The following NKAIN2 variants were observed in gnomAD, a reference collection of about 807,000 sequenced individuals.
NKAIN2 encodes sodium/potassium transporting ATPase interacting 2.
NKAIN2 carries 14 observed loss-of-function variants against 32.6 expected under a neutral mutation model. That is an observed-to-expected ratio of 0.43 (90% CI 0.28 to 0.67). The LOEUF is 0.67. Ranked by LOEUF, NKAIN2 falls within the 30% of genes least tolerant of loss-of-function variation. NKAIN2 has a pLI of 0.17. For synonymous variants in NKAIN2, 80 were observed against 87.2 expected (o/e 0.92, Z 0.46); for missense variants, 198 against 258.3 (o/e 0.77, Z 1.60).
intron 1 of NKAIN2, among the ~76,000 whole-genome samples, chr6:123,876,090 C>A (rs576557071): frequency 6.6e-6 from 1 of 151,972 alleles, no homozygotes. Flanking sequence ...ATTTAGACTA[C>A]CAGATAAAAT....
rs148479132 is a variant in NKAIN2 at position 124,511,202 on chromosome 6, A to G, written c.274-146984A>G. 1.6e-3 allele frequency among the ~76,000 whole-genome samples: 240 copies of G among 152,312 alleles called. 1 individual carries two copies. Among genetic ancestry groups the G allele is most frequent in the African/African-American group, 5.5e-3 (228 of 41,580 alleles). Reference sequence around the variant, plus strand: ...GAGATTGGTTTTAATCTGCAAATTTATATCTATTACATATCTTGAGCATTT... The same window carrying G: ...GAGATTGGTTTTAATCTGCAAATTTGTATCTATTACATATCTTGAGCATTT... On this transcript the variant is annotated intron_variant, in intron 3 of 6. Transcript: ENST00000368417.
At chr6:124,062,430 A>G (rs1782957851) in intron 1 of NKAIN2, among the ~76,000 whole-genome samples, 1 of 151,906 alleles carries the variant, frequency 6.6e-6, no homozygotes, top group African/African-American at 2.4e-5. Context: ...TGTTGTTGTT[A>G]TTGTTGTTGT....
At chr6:124,377,637 T>C (rs902887018) in intron 3 of NKAIN2, among the ~76,000 whole-genome samples, 5 of 151,986 alleles carry the variant, frequency 3.3e-5, no homozygotes, top group Non-Finnish European at 1.5e-5. Context: ...GGAAGAGAAA[T>C]GTGAGGGGTG....
chr6:124,800,035 A>G (rs571346641), intron 5 of NKAIN2, among the ~76,000 whole-genome samples: 1 of 152,322 alleles, frequency 6.6e-6, no homozygotes. Context: ...GGGATTCTTT[A>G]GTCCCATCTC....
intron 4 of NKAIN2, among the ~76,000 whole-genome samples, chr6:124,734,039 T>A (rs1217972607): frequency 7.1e-6 from 1 of 141,496 alleles, no homozygotes; most frequent in African/African-American, 2.6e-5. Context: ...GAGTATCTTA[T>A]AATACCAGAA....
intron 3 of NKAIN2, among the ~76,000 whole-genome samples, chr6:124,616,276 C>G (rs1489992142): frequency 6.6e-6 from 1 of 151,948 alleles, no homozygotes; most frequent in Non-Finnish European, 1.5e-5. Context: ...TGCATTTCAC[C>G]TAAAGTTTAT....
chr6:124,227,754 C>T (rs1365076850), intron 1 of NKAIN2, among the ~76,000 whole-genome samples: 2 of 152,138 alleles, frequency 1.3e-5, no homozygotes, highest in African/African-American at 4.8e-5. Context: ...GACTTCTTAG[C>T]TTACAGAAGG....
chr6:124,424,355 CAT>C (rs1338396349), intron 3 of NKAIN2, among the ~76,000 whole-genome samples: 6 of 152,244 alleles, frequency 3.9e-5, no homozygotes, highest in African/African-American at 1.4e-4. Flanking sequence ...AACCAATTAA[CAT>C]ATTCAGCTCA....
chr6:124,344,275 A>G (rs1295347030), intron 2 of NKAIN2, among the ~76,000 whole-genome samples: 1 of 152,160 alleles, frequency 6.6e-6, no homozygotes, highest in Non-Finnish European at 1.5e-5. Context: ...TGATGCCTCC[A>G]GCTTTGTTCT....
chr6:124,352,172 GT>G (rs1350833899), intron 2 of NKAIN2, among the ~76,000 whole-genome samples: 1 of 152,088 alleles, frequency 6.6e-6, no homozygotes, highest in African/African-American at 2.4e-5. Flanking sequence ...TAGGTTCTGT[GT>G]TCTCATTCTC....
In NKAIN2 at chr6:124,272,540, T is replaced by A. The variant is rs186159657; in HGVS notation, c.55-10465T>A. Among the ~76,000 whole-genome samples the A allele has an allele frequency of 5.6e-3, 851 of 152,306 alleles. 6 individuals carry two copies. Among genetic ancestry groups the A allele is most frequent in the Non-Finnish European group, 6.5e-3 (443 of 68,026 alleles). ...TCCATGCAGAGGTGTGCTGCAGAGA[T>A]GGAGCCATCATGGAGAACTTCTGTT... On this transcript the variant is annotated intron_variant, in intron 1 of 6. Transcript: ENST00000368417.
chr6:124,107,250 G>T (rs1490853707), intron 1 of NKAIN2, among the ~76,000 whole-genome samples: 1 of 152,168 alleles, frequency 6.6e-6, no homozygotes, highest in African/African-American at 2.4e-5. Flanking sequence ...ATCATGAAAA[G>T]ATGTTGGCTT....
chr6:123,865,090 A>G (rs77516570), intron 1 of NKAIN2, among the ~76,000 whole-genome samples: 1 of 152,180 alleles, frequency 6.6e-6, no homozygotes, highest in East Asian at 1.9e-4. Context: ...TAAAAAAAGA[A>G]GAAAGTATTC....
chr6:124,297,899 A>T (rs187893786), intron 2 of NKAIN2, among the ~76,000 whole-genome samples: 22 of 152,286 alleles, frequency 1.4e-4, no homozygotes, highest in African/African-American at 5.3e-4. Flanking sequence ...GACTCTATCA[A>T]TGAAATGTGT....
chr6:124,584,346 C>T (rs1781630387), intron 3 of NKAIN2, among the ~76,000 whole-genome samples: 1 of 152,110 alleles, frequency 6.6e-6, no homozygotes, highest in Admixed American at 6.5e-5. Context: ...TCTGAATAGA[C>T]ATTTCTCAAA....
chr6:124,633,044 C>T (rs530224357), intron 3 of NKAIN2, among the ~76,000 whole-genome samples: 8 of 152,106 alleles, frequency 5.3e-5, no homozygotes, highest in South Asian at 4.2e-4. Context: ...GAATTATGTG[C>T]CCACCATTTT....
chr6:124,361,743 CTT>C lies in NKAIN2; in HGVS notation c.273+6399_273+6400del, dbSNP rs369068555. 2.8e-3 allele frequency among the ~76,000 whole-genome samples: 423 copies of C among 152,094 alleles called. 3 individuals carry two copies. Among genetic ancestry groups the C allele is most frequent in the African/African-American group, 9.9e-3 (412 of 41,520 alleles). On this transcript the variant is annotated intron_variant, in intron 3 of 6. Coordinates refer to ENST00000368417, the MANE Select transcript of NKAIN2 (RefSeq NM_001040214.3). ...AAGCTTTAGGGAATAAAATTGCACT[CTT>C]TTGAATGTAAGAGACAGGAAGGAGA...
intron 1 of NKAIN2, among the ~76,000 whole-genome samples, chr6:124,167,949 T>C (rs1582778602): frequency 6.6e-6 from 1 of 152,170 alleles, no homozygotes; most frequent in African/African-American, 2.4e-5. Context: ...CATGTGACCA[T>C]AGAGATATAT....
intron 3 of NKAIN2, among the ~76,000 whole-genome samples, chr6:124,630,303 A>T (rs1783515331): frequency 6.6e-6 from 1 of 152,300 alleles, no homozygotes; most frequent in African/African-American, 2.4e-5. Flanking sequence ...TATTCAGATA[A>T]AAAATGGCTA....
Sources: allele counts gnomAD v4.1 joint callset (sites outside exome capture counted in the v4.1 genomes callset), GRCh38; gene constraint gnomAD v4.1.1; transcripts MANE v1.5; gene names NCBI Gene and HGNC (gene_info 2026-07-23, HGNC 2026-07-21).